Variants in TDRP observed in about 807,000 individuals in gnomAD.
TDRP encodes testis development-related protein.
In TDRP, 12 loss-of-function variants were observed where a neutral mutation model predicts 10.5. That is an observed-to-expected ratio of 1.15 (90% CI 0.73 to 1.86). The LOEUF is 1.86. Among genes scored for constraint, TDRP ranks in the 40% most tolerant of loss-of-function variants. The probability of loss-of-function intolerance (pLI) is 0.00; values close to 1 mark genes in which losing one functional copy is unlikely to be tolerated. For missense variants in TDRP, 353 were observed against 229.2 expected (o/e 1.54, Z -3.49); for synonymous variants, 139 against 95.4 (o/e 1.46, Z -2.67).
intron 1 of TDRP, among the ~76,000 whole-genome samples, chr8:525,272 T>C (rs1198917465): frequency 6.6e-6 from 1 of 152,100 alleles, no homozygotes; most frequent in African/African-American, 2.4e-5. Context: ...AAGCTGAGGA[T>C]TTTCACCAAC....
intron 1 of TDRP, among the ~76,000 whole-genome samples, chr8:499,005 T>C (rs958153237): frequency 1.1e-4 from 17 of 152,180 alleles, no homozygotes; most frequent in Non-Finnish European, 1.5e-4. Flanking sequence ...ATTAAACCTC[T>C]TTTCTTTATA....
chr8:494,045 C>T (rs1801059746), intron 2 of TDRP, among the ~76,000 whole-genome samples: 1 of 139,452 alleles, frequency 7.2e-6, no homozygotes, highest in Admixed American at 7.8e-5. Context: ...GCCTCCGTCT[C>T]CCACAGGTTC....
intron 1 of TDRP, among the ~76,000 whole-genome samples, chr8:536,827 G>A (rs959241015): frequency 6.6e-6 from 1 of 151,404 alleles, no homozygotes; most frequent in East Asian, 1.9e-4. Flanking sequence ...AATCCGGAGC[G>A]AATAAGCAGC....
At chr8:516,575 T>C (rs972095435) in intron 1 of TDRP, among the ~76,000 whole-genome samples, 2 of 152,018 alleles carry the variant, frequency 1.3e-5, no homozygotes, top group Admixed American at 1.3e-4. Context: ...CACACACCTA[T>C]CAGAACTGAC....
rs562918555 is a variant in TDRP at position 513,972 on chromosome 8, C to G, written c.109-19375G>C. On this transcript the variant is annotated intron_variant, in intron 1 of 2. Transcript: ENST00000324079. The stretch of plus-strand genomic sequence containing the variant: ...TGATCTGAATAACTGGAAAACTACT[C>G]CACTGTCATGAATCAGAAGACATAA... Among the ~76,000 whole-genome samples the G allele has an allele frequency of 1.6e-4, 24 of 152,294 alleles. No homozygotes were observed. The South Asian group carries it at 5.0e-3, about 32-fold the overall frequency.
At chr8:518,490 AC>A (rs1476222259) in intron 1 of TDRP, among the ~76,000 whole-genome samples, 2 of 152,220 alleles carry the variant, frequency 1.3e-5, no homozygotes, top group African/African-American at 2.4e-5. Flanking sequence ...CAGATGGAAA[AC>A]CCAACAAACC....
chr8:534,349 C>T (rs529020304), intron 1 of TDRP, among the ~76,000 whole-genome samples: 138 of 152,304 alleles, frequency 9.1e-4, no homozygotes, highest in Non-Finnish European at 1.6e-3. Context: ...AGGGTTCCCG[C>T]GAGCCTCTGA....
At chr8:502,827 C>A (rs73672336) in intron 1 of TDRP, among the ~76,000 whole-genome samples, 12 of 151,568 alleles carry the variant, frequency 7.9e-5, no homozygotes, top group East Asian at 2.0e-4. Context: ...CATGTCAACA[C>A]AGAATCCAGA....
Position 491,483 on chromosome 8 carries a change from A to C in TDRP, c.*916T>G, listed in dbSNP as rs898274436. The C allele has an allele frequency of 1.1e-6, 1 of 884,392 alleles. No individual in the cohort carries two copies. The highest frequency in any genetic ancestry group is 1.7e-5 in the African/African-American group (1 of 57,180). The allele number at this position is 884,392 out of a possible 1,614,324, so 54.8% of individuals were successfully genotyped here. A position where few individuals can be genotyped will look rare whatever the true frequency, so the allele number is the denominator to read the frequency against. On this transcript the variant is annotated 3_prime_UTR_variant, in exon 3 of 3. Coordinates refer to ENST00000324079, the MANE Select transcript of TDRP (RefSeq NM_001384899.1). ...GGTCGTCGATTATTCTTGTGGAAAAAACACAGCTTCTTACAGATCTAACAC... is the reference window on the plus strand; with the variant it reads ...GGTCGTCGATTATTCTTGTGGAAAACACACAGCTTCTTACAGATCTAACAC...
chr8:528,734 G>A (rs962686007), intron 1 of TDRP, among the ~76,000 whole-genome samples: 1 of 152,108 alleles, frequency 6.6e-6, no homozygotes, highest in African/African-American at 2.4e-5. Flanking sequence ...AAAATCTCAT[G>A]TACCCCTGTA....
intron 1 of TDRP, 147 bp from the exon 2 acceptor site, chr8:494,744 T>G (rs763539937): frequency 9.1e-6 from 6 of 659,724 alleles, no homozygotes; most frequent in Non-Finnish European, 1.5e-5. Context: ...CGCACATAGT[T>G]TACTCCCATT....
intron 1 of TDRP, among the ~76,000 whole-genome samples, chr8:516,631 G>C (rs1032317428): frequency 6.6e-6 from 1 of 152,166 alleles, no homozygotes; most frequent in African/African-American, 2.4e-5. Context: ...ACATGGAGCA[G>C]CAGGAACTCT....
chr8:542,857 CAAAAAA>C (rs34967419), intron 1 of TDRP, among the ~76,000 whole-genome samples: 2 of 105,766 alleles, frequency 1.9e-5, no homozygotes, highest in Admixed American at 9.6e-5. Context: ...AACTTCATCT[CAAAAAA>C]AAAAAAAAAA....
At chr8:540,717 G>A (rs929566868) in intron 1 of TDRP, among the ~76,000 whole-genome samples, 1 of 145,602 alleles carries the variant, frequency 6.9e-6, no homozygotes, top group African/African-American at 2.5e-5. Flanking sequence ...AATTATTTTA[G>A]TAATAGTTAA....
Position 517,655 on chromosome 8 carries a change from G to T in TDRP, c.109-23058C>A, listed in dbSNP as rs950462747. 5.9e-5 allele frequency among the ~76,000 whole-genome samples: 9 copies of T among 152,138 alleles called. No individual in the cohort carries two copies. The East Asian group carries it at 1.7e-3, about 29-fold the overall frequency. On this transcript the variant is annotated intron_variant, in intron 1 of 2. Transcript: ENST00000324079. Reference sequence around the variant, plus strand: ...AACCAATATATACCTTACATGTATTGATTTAAAACTGTAACTTTTGTCCCC... The same window carrying T: ...AACCAATATATACCTTACATGTATTTATTTAAAACTGTAACTTTTGTCCCC...
chr8:492,973 G>C (rs1801023332), intron 2 of TDRP, among the ~76,000 whole-genome samples: 1 of 152,140 alleles, frequency 6.6e-6, no homozygotes, highest in Non-Finnish European at 1.5e-5. Context: ...CAATACATAA[G>C]CAAAGAACTA....
rs1800971844 is a variant in TDRP at position 491,497 on chromosome 8, CAGATCT to C, written c.*896_*901del. 2 of 978,942 alleles carry C rather than the reference CAGATCT, an allele frequency of 2.0e-6. No homozygotes were observed. The highest frequency in any genetic ancestry group is 3.4e-5 in the African/African-American group (2 of 58,982). 60.6% of individuals were successfully genotyped at this position (978,942 alleles called of 1,614,324 possible). A position where few individuals can be genotyped will look rare whatever the true frequency, so the allele number is the denominator to read the frequency against. On this transcript the variant is annotated 3_prime_UTR_variant, in exon 3 of 3. Coordinates refer to ENST00000324079, the MANE Select transcript of TDRP (RefSeq NM_001384899.1). The stretch of plus-strand genomic sequence containing the variant: ...CTTGTGGAAAAAACACAGCTTCTTA[CAGATCT>C]AACACCAATCACAATAGGCATCTCG...
At chr8:523,572 C>G (rs934486843) in intron 1 of TDRP, among the ~76,000 whole-genome samples, 2 of 152,180 alleles carry the variant, frequency 1.3e-5, no homozygotes, top group Non-Finnish European at 2.9e-5. Flanking sequence ...AACCCACTGC[C>G]CTGAAGGATA....
Position 526,554 on chromosome 8 carries a change from G to T in TDRP, c.108+18096C>A, listed in dbSNP as rs547590235. Among the ~76,000 whole-genome samples, 6 of 152,054 alleles carry T rather than the reference G, an allele frequency of 3.9e-5. No homozygotes were observed. The South Asian group carries it at 8.3e-4, about 21-fold the overall frequency. On this transcript the variant is annotated intron_variant, in intron 1 of 2. Transcript: ENST00000324079. ...ATACTGAACCATCCTCACATCCCTG[G>T]GATAAAAAGATCATAATTATCTTTT...
Sources: allele counts gnomAD v4.1 joint callset (sites outside exome capture counted in the v4.1 genomes callset), GRCh38; gene constraint gnomAD v4.1.1; transcripts MANE v1.5; gene names NCBI Gene and HGNC (gene_info 2026-07-23, HGNC 2026-07-21).